TRIM17: variants seen among roughly 807,000 people sequenced by gnomAD.
The protein encoded by TRIM17 is tripartite motif containing 17.
In TRIM17, 27 loss-of-function variants were observed where a neutral mutation model predicts 35.8. The ratio of observed to expected loss-of-function variants is 0.75; its 90% CI spans 0.56 to 1.04. The LOEUF (loss-of-function observed/expected upper bound fraction) is 1.04, where lower values mean the gene tolerates loss of function less well. Among genes scored for constraint, TRIM17 ranks in the 50% least tolerant of loss-of-function variants. The pLI is 0.00. For missense variants in TRIM17, 582 were observed against 612.8 expected, an observed-to-expected ratio of 0.95 and a Z score of 0.53; for synonymous variants, 246 against 252.6, an observed-to-expected ratio of 0.97 and a Z score of 0.25.
Position 228,411,021 on chromosome 1 carries a change from C to A in TRIM17, c.681G>T (p.Arg227=). The change falls in exon 4 of 7, where the codon CGG becomes CGT. Residue 227 remains arginine, a synonymous_variant. Transcript: ENST00000366698. The surrounding 1 kb of genome is among the most constrained non-coding windows in gnomAD (Gnocchi z 4.2). ...GCAGCAGCTCCAGAGAGTGACCCTG[C>A]CGGTCCAGGCAGGCCACGCTCTCCC... The part of the protein sequence containing the change: ...RLRESVACLD[R]QGHSLELLLL... The A allele has an allele frequency of 1.9e-6, 3 of 1,612,600 alleles. No homozygotes were observed. The highest frequency in any genetic ancestry group is 2.5e-6 in the Non-Finnish European group (3 of 1,179,626).
rs537072051 is a variant in TRIM17 at position 228,414,917 on chromosome 1, C to G, written c.156G>C (p.Gly52=). Reference sequence around the variant, plus strand: ...GGAAGGAGCCCTTCCGCTTCCGCCTCCCCTTCTTGCCCCTCGCCTTTTCCC... The same window carrying G: ...GGAAGGAGCCCTTCCGCTTCCGCCTGCCCTTCTTGCCCCTCGCCTTTTCCC... ...LSWEKARGKK[G]RRKRKGSFPC... The change falls in exon 2 of 7, where the codon GGG becomes GGC. Residue 52 remains glycine, a synonymous_variant. Coordinates refer to ENST00000366698, the MANE Select transcript of TRIM17 (RefSeq NM_016102.4). 1.6e-4 allele frequency: 255 copies of G among 1,613,522 alleles called. 4 individuals carry two copies. The South Asian group carries it at 2.7e-3, about 17-fold the overall frequency.
chr1:228,408,279 C>A lies in TRIM17; in HGVS notation c.1356G>T (p.Leu452=). The change falls in exon 7 of 7, where the codon CTG becomes CTT. Residue 452 remains leucine (L), a synonymous_variant. Transcript: ENST00000366698. This position sits in a 1 kb window ranked among gnomAD's most constrained non-coding sequence, Gnocchi z 6.3. ...GAGCCCCCAGGCAGAAGAAAGGCTG[C>A]AGGGGGCCTGGGAAGGTGGCCTGGG... ...TYSQATFPGP[L]QPFFCLGAPK... is the part of the protein sequence containing the mutation. 1 of 1,597,004 alleles carries A rather than the reference C, an allele frequency of 6.3e-7. No individual in the cohort carries two copies. Among genetic ancestry groups the A allele is most frequent in the Non-Finnish European group, 8.5e-7 (1 of 1,170,040 alleles).
At chr1:228,413,967 C>T (rs1276213323) in intron 2 of TRIM17, 75 bp from the exon 3 acceptor site, 5 of 1,268,880 alleles carry the variant, frequency 3.9e-6, no homozygotes, top group East Asian at 2.3e-5. Flanking sequence ...GTTGTGCTCG[C>T]TGAAACTGCA....
At chr1:228,409,988 G>A (rs910692228) in intron 4 of TRIM17, among the ~76,000 whole-genome samples, 4 of 152,128 alleles carry the variant, frequency 2.6e-5, no homozygotes, top group Admixed American at 1.3e-4. Context: ...CAGGTGGCGC[G>A]CTTGGCCCTC....
At position 228,411,793 on chromosome 1, in the gene TRIM17, C is replaced by G. The variant is rs1656797789; in HGVS notation, c.526-617G>C. On this transcript the variant is annotated intron_variant, in intron 3 of 6. Coordinates refer to ENST00000366698, the MANE Select transcript of TRIM17 (RefSeq NM_016102.4). This position sits in a 1 kb window ranked among gnomAD's most constrained non-coding sequence, Gnocchi z 4.2. ...AGACATGTGTCACCACCACCATGCC[C>G]AGCTAATTTTTAATTTTTTTGTAGA... Among the ~76,000 whole-genome samples the G allele has an allele frequency of 6.6e-6, 1 of 151,954 alleles. No homozygotes were observed. The highest frequency in any genetic ancestry group is 2.4e-5 in the African/African-American group (1 of 41,334).
Position 228,414,699 on chromosome 1 carries a change from C to A in TRIM17, c.374G>T (p.Arg125Leu), listed in dbSNP as rs182300454. 1.9e-6 allele frequency: 3 copies of A among 1,612,076 alleles called. No individual in the cohort carries two copies. The highest frequency in any genetic ancestry group is 2.5e-6 in the Non-Finnish European group (3 of 1,180,030). ...SPICVVCRES[R>L]EHRLHRVLPA... ...CAGCACCCTGTGCAGCCGGTGCTCC[C>A]GGGACTCCCTGCACACCACACAGAT... Residue 125 changes from arginine (R) to leucine (L), a missense_variant, in exon 2 of 7, where the codon CGG becomes CTG. By Grantham distance (102) the Arg-to-Leu change is moderately radical. Transcript: ENST00000366698.
In TRIM17 at chr1:228,410,149, A is replaced by G. The variant is rs551969468; in HGVS notation, c.757-738T>C. 2.1e-5 allele frequency among the ~76,000 whole-genome samples: 3 copies of G among 145,962 alleles called. No homozygotes were observed. Among genetic ancestry groups the G allele is most frequent in the Non-Finnish European group, 4.5e-5 (3 of 66,826 alleles). On this transcript the variant is annotated intron_variant, in intron 4 of 6. Transcript: ENST00000366698. This position sits in a 1 kb window ranked among gnomAD's most constrained non-coding sequence, Gnocchi z 4.6. ...GTGATCTCACCATCACCCAGGGTGG[A>G]GTGCAGTGGCGCAATAGCTCACTAC...
In TRIM17 at chr1:228,408,485, G is replaced by T. The variant is rs771700112; in HGVS notation, c.1150C>A (p.Pro384Thr). The T allele has an allele frequency of 5.6e-6, 9 of 1,613,978 alleles. No individual in the cohort carries two copies. The highest frequency in any genetic ancestry group is 4.2e-6 in the Non-Finnish European group (5 of 1,180,016). ...TGCACCACCCAGAAGCCGTTTTCGGGGCACTTGGGGACCCTGTCTTTCCGG... is the reference window on the plus strand; with the variant it reads ...TGCACCACCCAGAAGCCGTTTTCGGTGCACTTGGGGACCCTGTCTTTCCGG... ...VSRKDRVPKC[P>T]ENGFWVVQLS... Residue 384 changes from proline (P) to threonine (T), a missense_variant, in exon 7 of 7, where the codon CCC (proline) becomes ACC (threonine). Coordinates refer to ENST00000366698, the MANE Select transcript of TRIM17 (RefSeq NM_016102.4). The surrounding 1 kb of genome is among the most constrained non-coding windows in gnomAD (Gnocchi z 6.3).
chr1:228,414,051 T>C (rs1192701633), intron 2 of TRIM17, among the ~76,000 whole-genome samples, 159 bp from the exon 3 acceptor site: 1 of 152,248 alleles, frequency 6.6e-6, no homozygotes, highest in Non-Finnish European at 1.5e-5. Context: ...CCTTGGATTA[T>C]TTTGAGCTGA....
At position 228,416,824 on chromosome 1, in the gene TRIM17, T is replaced by C. The variant is rs1297493396; in HGVS notation, c.-327A>G. ...AGGAAGGCGGCAGGGGGTGGAAGGC[T>C]CTGGACGAGCCGGGGACAGGCGCAG... On this transcript the variant is annotated 5_prime_UTR_variant, in exon 1 of 7. Coordinates refer to ENST00000366698, the MANE Select transcript of TRIM17 (RefSeq NM_016102.4). The C allele has an allele frequency of 4.1e-6, 4 of 982,316 alleles. No homozygotes were observed. Among genetic ancestry groups the C allele is most frequent in the Admixed American group, 6.2e-5 (1 of 16,064 alleles). 60.8% of individuals were successfully genotyped at this position (982,316 alleles called of 1,614,324 possible). A position where few individuals can be genotyped will look rare whatever the true frequency, so the allele number is the denominator to read the frequency against.
rs1656760608 is a variant in TRIM17 at position 228,411,096 on chromosome 1, CCT to C, written c.604_605del (p.Arg202AlafsTer86). On this transcript the variant is annotated frameshift_variant, in exon 4 of 7. Transcript: ENST00000366698. LOFTEE classifies it high-confidence loss of function. This position sits in a 1 kb window ranked among gnomAD's most constrained non-coding sequence, Gnocchi z 4.2. ...CTTCCGTCTCCAGAGCCTGGAGGAGCCTCTGCTCTTCTTCCACCAGGTAGAGG... is the reference window on the plus strand; with the variant it reads ...CTTCCGTCTCCAGAGCCTGGAGGAGCCTGCTCTTCTTCCACCAGGTAGAGG... ...MNLYLVEEEQ[R>X]LLQALETEEE... 6.2e-7 allele frequency: 1 copy of C among 1,614,038 alleles called. No homozygotes were observed. Among genetic ancestry groups the C allele is most frequent in the Non-Finnish European group, 8.5e-7 (1 of 1,180,022 alleles).
rs753823811 is a variant in TRIM17, at chr1:228,408,258, C to T, written c.1377G>A (p.Gly459=). ...PGPLQPFFCL[G]APKSGQMVIS... ...TGACCATCTGACCAGACTTCGGAGC[C>T]CCCAGGCAGAAGAAAGGCTGCAGGG... The change falls in exon 7 of 7, where the codon GGG becomes GGA. Residue 459 remains glycine, a synonymous_variant. Transcript: ENST00000366698. The surrounding 1 kb of genome is among the most constrained non-coding windows in gnomAD (Gnocchi z 6.3). 2.5e-6 allele frequency: 4 copies of T among 1,579,644 alleles called. No individual in the cohort carries two copies. Among genetic ancestry groups the T allele is most frequent in the Middle Eastern group, 1.7e-4 (1 of 5,864 alleles).
chr1:228,408,183 G>C lies in TRIM17; in HGVS notation c.*18C>G. 1 of 1,511,296 alleles carries C rather than the reference G, an allele frequency of 6.6e-7. No homozygotes were observed. Among genetic ancestry groups the C allele is most frequent in the Non-Finnish European group, 8.8e-7 (1 of 1,129,992 alleles). The allele number at this position is 1,511,296 out of a possible 1,614,324, so 93.6% of individuals were successfully genotyped here. A position where few individuals can be genotyped will look rare whatever the true frequency, so the allele number is the denominator to read the frequency against. On this transcript the variant is annotated 3_prime_UTR_variant, in exon 7 of 7. Transcript: ENST00000366698. This position sits in a 1 kb window ranked among gnomAD's most constrained non-coding sequence, Gnocchi z 6.3. Reference sequence around the variant, plus strand: ...TTCTGCAGAGCCAGGAGCAGTGCCCGAGTCCCCCGGTCTGTGTCTATCCTT... The same window carrying C: ...TTCTGCAGAGCCAGGAGCAGTGCCCCAGTCCCCCGGTCTGTGTCTATCCTT...
chr1:228,415,079 TGGGAGACACGA>T lies in TRIM17; in HGVS notation c.-18_-8del. On this transcript the variant is annotated 5_prime_UTR_variant, in exon 2 of 7. Transcript: ENST00000366698. The stretch of plus-strand genomic sequence containing the variant: ...CGAGTTCCACAGCCTCCATGGCTCC[TGGGAGACACGA>T]GGCAGGTTCCCGCTTGAGGGACTCT... 1 of 1,595,588 alleles carries T rather than the reference TGGGAGACACGA, an allele frequency of 6.3e-7. No homozygotes were observed. Among genetic ancestry groups the T allele is most frequent in the South Asian group, 1.1e-5 (1 of 89,652 alleles).
Position 228,408,891 on chromosome 1 carries a change from G to A in TRIM17, c.884-140C>T. The A allele has an allele frequency of 3.4e-6, 5 of 1,479,316 alleles. No individual in the cohort carries two copies. The highest frequency in any genetic ancestry group is 4.5e-6 in the Non-Finnish European group (5 of 1,113,008). 91.6% of individuals were successfully genotyped at this position (1,479,316 alleles called of 1,614,324 possible). On this transcript the variant is annotated intron_variant, in intron 6 of 6. Coordinates refer to ENST00000366698, the MANE Select transcript of TRIM17 (RefSeq NM_016102.4). This position sits in a 1 kb window ranked among gnomAD's most constrained non-coding sequence, Gnocchi z 6.3. ...GAGGCCTCCCCTGCTGTGAATCTGG[G>A]GTTACTTGATGCTTCCACACACCAA...
chr1:228,413,165 C>T (rs1330399366), intron 3 of TRIM17, among the ~76,000 whole-genome samples: 5 of 149,090 alleles, frequency 3.4e-5, no homozygotes, highest in African/African-American at 5.0e-5. Context: ...GAACTGACAC[C>T]GCACCATTGG....
intron 2 of TRIM17, among the ~76,000 whole-genome samples, chr1:228,414,442 T>C (rs1022292274): frequency 2.0e-5 from 3 of 152,198 alleles, no homozygotes; most frequent in African/African-American, 7.2e-5. Context: ...AATGCCTGCA[T>C]CATACAGTGT....
Position 228,408,975 on chromosome 1 carries a change from A to C in TRIM17, c.883+197T>G. On this transcript the variant is annotated intron_variant, in intron 6 of 6. Transcript: ENST00000366698. The surrounding 1 kb of genome is among the most constrained non-coding windows in gnomAD (Gnocchi z 6.3). ...GGGGCTGGGCAGAGAGACCACTGGG[A>C]ACTCAACAAGATTCATCCCATGAAT... 6.6e-7 allele frequency: 1 copy of C among 1,522,676 alleles called. No individual in the cohort carries two copies. The highest frequency in any genetic ancestry group is 8.8e-7 in the Non-Finnish European group (1 of 1,130,928). The allele number at this position is 1,522,676 out of a possible 1,614,324, so 94.3% of individuals were successfully genotyped here. A position where few individuals can be genotyped will look rare whatever the true frequency, so the allele number is the denominator to read the frequency against.
intron 3 of TRIM17, among the ~76,000 whole-genome samples, chr1:228,412,968 T>C (rs887531594): frequency 2.0e-5 from 3 of 152,080 alleles, no homozygotes; most frequent in African/African-American, 7.2e-5. Context: ...CCCAGCACTT[T>C]GGGAGGCCGA....
Sources: gnomAD v4.1 joint callset for allele counts (sites outside exome capture counted in the v4.1 genomes callset) on GRCh38, gnomAD v4.1.1 for gene constraint, Gnocchi (gnomAD v3.1) non-coding constraint, MANE v1.5 for transcripts, NCBI Gene and HGNC (gene_info 2026-07-23, HGNC 2026-07-21) for gene names.